Variants in DLGAP1 observed in about 807,000 individuals in gnomAD.
DLGAP1 encodes DLG associated protein 1, also known as disks large-associated protein 1.
A neutral mutation model predicts 90.8 loss-of-function variants in DLGAP1; 11 were observed. The observed-to-expected ratio is 0.12, with a 90% CI of 0.08 to 0.20. The LOEUF is 0.20. Among genes scored for constraint, DLGAP1 ranks in the 10% least tolerant of loss-of-function variants. The probability of loss-of-function intolerance (pLI) is 1.00; values close to 1 mark genes in which losing one functional copy is unlikely to be tolerated. For missense variants in DLGAP1, 1,050 were observed against 1,333.8 expected, an observed-to-expected ratio of 0.79 and a Z score of 3.31; for synonymous variants, 558 against 540.7, an observed-to-expected ratio of 1.03 and a Z score of -0.44.
chr18:3,557,049 A>G (rs745429790), intron 9 of DLGAP1, among the ~76,000 whole-genome samples: 13 of 151,966 alleles, frequency 8.6e-5, no homozygotes, highest in Non-Finnish European at 1.9e-4. Flanking sequence ...TTTCTGTTAT[A>G]ATTTTATTTA....
At chr18:3,702,121 G>T (rs983406177) in intron 7 of DLGAP1, among the ~76,000 whole-genome samples, 2 of 152,000 alleles carry the variant, frequency 1.3e-5, no homozygotes, top group African/African-American at 4.8e-5. Flanking sequence ...GCACAATCTC[G>T]GCTCAATGCA....
intron 2 of DLGAP1, among the ~76,000 whole-genome samples, chr18:4,041,260 GTCATCA>G (rs745652830): frequency 3.3e-5 from 5 of 152,076 alleles, no homozygotes; most frequent in Admixed American, 3.3e-4. Context: ...GCTTATTTAT[GTCATCA>G]TCATCATCAT....
intron 4 of DLGAP1, among the ~76,000 whole-genome samples, chr18:3,837,714 T>C (rs1190003704): frequency 6.7e-6 from 1 of 150,196 alleles, no homozygotes; most frequent in Non-Finnish European, 1.5e-5. Flanking sequence ...TAGCTGGGCG[T>C]GGTGGTGTGT....
chr18:3,625,751 T>C (rs1354899570), intron 7 of DLGAP1, among the ~76,000 whole-genome samples: 2 of 152,184 alleles, frequency 1.3e-5, no homozygotes, highest in Non-Finnish European at 2.9e-5. Flanking sequence ...AAGGAAATCA[T>C]AAATATCAAT....
At chr18:3,813,410 ATG>A (rs2066939039) in intron 5 of DLGAP1, among the ~76,000 whole-genome samples, 1 of 152,190 alleles carries the variant, frequency 6.6e-6, no homozygotes, top group Non-Finnish European at 1.5e-5. Context: ...AGTGTACTCT[ATG>A]ATGTGTGCAC....
At position 3,839,113 on chromosome 18, in the gene DLGAP1, C is replaced by G. The variant is rs112958538; in HGVS notation, c.958-24840G>C. Among the ~76,000 whole-genome samples the G allele has an allele frequency of 2.4e-3, 368 of 152,266 alleles. 4 individuals are homozygous for G. The highest frequency in any genetic ancestry group is 7.9e-3 in the African/African-American group (327 of 41,566). On this transcript the variant is annotated intron_variant, in intron 4 of 12. Coordinates refer to ENST00000315677, the MANE Select transcript of DLGAP1 (RefSeq NM_004746.4). Reference sequence around the variant, plus strand: ...CTTTTGAGAGGTTAAGGTGGAAGGGCTTATTTTCTTTAGACACTGATCCTG... The same window carrying G: ...CTTTTGAGAGGTTAAGGTGGAAGGGGTTATTTTCTTTAGACACTGATCCTG...
At chr18:3,777,067 G>A (rs1460591558) in intron 5 of DLGAP1, among the ~76,000 whole-genome samples, 7 of 152,142 alleles carry the variant, frequency 4.6e-5, no homozygotes, top group Non-Finnish European at 8.8e-5. Flanking sequence ...GATTATAGGC[G>A]TGAGCTTTTG....
chr18:4,217,806 C>A (rs1477832481), intron 1 of DLGAP1, among the ~76,000 whole-genome samples: 1 of 152,018 alleles, frequency 6.6e-6, no homozygotes, highest in African/African-American at 2.4e-5. Flanking sequence ...CTGTCTGTGG[C>A]TTGTCTTTCT....
intron 10 of DLGAP1, among the ~76,000 whole-genome samples, chr18:3,530,097 C>CTGTTGAAAG (rs1392544714): frequency 1.3e-5 from 2 of 152,138 alleles, no homozygotes. Context: ...TAAGTAGTTT[C>CTGTTGAAAG]CAAGAGTCCT....
At chr18:3,576,282 C>T (rs1335931393) in intron 8 of DLGAP1, among the ~76,000 whole-genome samples, 4 of 148,238 alleles carry the variant, frequency 2.7e-5, no homozygotes, top group Admixed American at 6.7e-5. Flanking sequence ...TTTTTTGAGA[C>T]GGAGTCTTGC....
intron 1 of DLGAP1, among the ~76,000 whole-genome samples, chr18:4,243,135 T>C (rs1057349672): frequency 6.6e-6 from 1 of 152,232 alleles, no homozygotes. Flanking sequence ...GAATCATTCT[T>C]GGACACCTAA....
At chr18:4,217,711 T>C (rs1351089658) in intron 1 of DLGAP1, among the ~76,000 whole-genome samples, 1 of 152,116 alleles carries the variant, frequency 6.6e-6, no homozygotes, top group Non-Finnish European at 1.5e-5. Context: ...GGTTAGTTGT[T>C]TTCTTATTGT....
intron 1 of DLGAP1, among the ~76,000 whole-genome samples, chr18:4,453,410 T>C (rs1319381869): frequency 6.6e-6 from 1 of 152,264 alleles, no homozygotes; most frequent in African/African-American, 2.4e-5. Context: ...TAAAATTTCT[T>C]GCCTCCATGT....
chr18:4,369,815 T>TAAAAAA (rs11387946), intron 1 of DLGAP1, among the ~76,000 whole-genome samples: 1 of 74,652 alleles, frequency 1.3e-5, no homozygotes, highest in Non-Finnish European at 2.5e-5. Context: ...AAAGTCTTAG[T>TAAAAAA]AAAAAAAAAA....
chr18:3,660,081 C>A lies in DLGAP1; in HGVS notation c.1591+69054G>T, dbSNP rs572295030. On this transcript the variant is annotated intron_variant, in intron 7 of 12. Transcript: ENST00000315677. This position sits in a 1 kb window ranked among gnomAD's most constrained non-coding sequence, Gnocchi z 4.2. ...TCACATTTGACTTCAAATATAACTT[C>A]CTCAGAGAGTCTTCCTTGATTACTA... 2.0e-5 allele frequency among the ~76,000 whole-genome samples: 3 copies of A among 152,310 alleles called. No individual in the cohort carries two copies. The highest frequency in any genetic ancestry group is 7.2e-5 in the African/African-American group (3 of 41,570).
chr18:3,789,904 G>C (rs2065646050), intron 5 of DLGAP1, among the ~76,000 whole-genome samples: 1 of 152,140 alleles, frequency 6.6e-6, no homozygotes, highest in Admixed American at 6.5e-5. Context: ...ATTTTTAATG[G>C]TCAGAAGCTA....
chr18:3,671,013 C>T (rs1483896768), intron 7 of DLGAP1, among the ~76,000 whole-genome samples: 9 of 152,228 alleles, frequency 5.9e-5, no homozygotes, highest in Admixed American at 4.6e-4. Flanking sequence ...ACGTTCTGGG[C>T]TACCTGAGCC....
At chr18:4,287,612 A>G (rs1181670268) in intron 1 of DLGAP1, among the ~76,000 whole-genome samples, 1 of 152,122 alleles carries the variant, frequency 6.6e-6, no homozygotes, top group Non-Finnish European at 1.5e-5. Context: ...GAAACACCAC[A>G]TGTTCTCACT....
chr18:4,133,880 A>C (rs1381247051), intron 2 of DLGAP1, among the ~76,000 whole-genome samples: 1 of 151,904 alleles, frequency 6.6e-6, no homozygotes, highest in East Asian at 1.9e-4. Context: ...GAAGGCAGGG[A>C]TTTAAAAGGA....
Sources: gnomAD v4.1 joint callset for allele counts (sites outside exome capture counted in the v4.1 genomes callset) on GRCh38, gnomAD v4.1.1 for gene constraint, Gnocchi (gnomAD v3.1) non-coding constraint, MANE v1.5 for transcripts, NCBI Gene and HGNC (gene_info 2026-07-23, HGNC 2026-07-21) for gene names.